The following CLEC2A variants were observed in gnomAD, a reference collection of about 807,000 sequenced individuals.
The protein encoded by CLEC2A is keratinocyte-associated C-type lectin.
Under a neutral mutation model 18.6 loss-of-function variants are expected in CLEC2A, and 19 were observed. The observed-to-expected ratio is 1.02, with a 90% CI of 0.71 to 1.50. The LOEUF is 1.50. Among genes scored for constraint, CLEC2A ranks in the 40% most tolerant of loss-of-function variants. The probability of loss-of-function intolerance (pLI) is 0.00; values close to 1 mark genes in which losing one functional copy is unlikely to be tolerated. For missense variants in CLEC2A, 190 were observed against 207.9 expected (o/e 0.91, Z 0.53); for synonymous variants, 74 against 64.0 (o/e 1.16, Z -0.75).
At chr12:9,931,652 C>CATTTAACTTAACTGGA (rs1216816861) in intron 1 of CLEC2A, among the ~76,000 whole-genome samples, 1 of 152,154 alleles carries the variant, frequency 6.6e-6, no homozygotes, top group Non-Finnish European at 1.5e-5. Context: ...CAGCTGGAGT[C>CATTTAACTTAACTGGA]CTTAACTCAT....
chr12:9,887,055 A>T, the CLEC2A span, among the ~76,000 whole-genome samples: 1 of 152,174 alleles, frequency 6.6e-6, no homozygotes, highest in African/African-American at 2.4e-5. Context: ...CTGAGATGGA[A>T]AATCAAAAAA....
intron 1 of CLEC2A, among the ~76,000 whole-genome samples, chr12:9,927,375 A>G (rs1863292038): frequency 6.6e-6 from 1 of 152,186 alleles, no homozygotes; most frequent in African/African-American, 2.4e-5. Flanking sequence ...TTATGGGACC[A>G]TTGTTGTTAT....
chr12:9,899,169 T>TC (rs1214714226), intron 4 of CLEC2A, among the ~76,000 whole-genome samples: 9 of 152,006 alleles, frequency 5.9e-5, no homozygotes, highest in Non-Finnish European at 1.0e-4. Context: ...GCTCCTGGGT[T>TC]CCCTTCCCCT....
At chr12:9,879,892 A>G in the CLEC2A span, among the ~76,000 whole-genome samples, 1 of 152,246 alleles carries the variant, frequency 6.6e-6, no homozygotes. Context: ...AAAGAAGCAC[A>G]GTAAACTGCA....
chr12:9,881,590 G>A, the CLEC2A span: 11 of 1,525,176 alleles, frequency 7.2e-6, no homozygotes, highest in South Asian at 1.2e-4. Context: ...TTAGACATTT[G>A]AAGAGATGGA....
chr12:9,903,029 T>C (rs1862857320), intron 4 of CLEC2A, among the ~76,000 whole-genome samples: 1 of 152,160 alleles, frequency 6.6e-6, no homozygotes, highest in Admixed American at 6.5e-5. Context: ...CATGTCTGGG[T>C]GTGTCAGGGC....
At chr12:9,900,761 G>A (rs1862814766) in intron 4 of CLEC2A, among the ~76,000 whole-genome samples, 1 of 152,072 alleles carries the variant, frequency 6.6e-6, no homozygotes, top group South Asian at 2.1e-4. Flanking sequence ...AGGGTATGAG[G>A]CCAGTTTCCC....
At position 9,926,264 on chromosome 12, in the gene CLEC2A, C is replaced by T; in HGVS notation, c.135G>A (p.Met45Ile). ...SIIITTVCII[M>I]IATWSKHAKP... ...TGTATGAATTAAACCACTCACCTAT[C>T]ATAATAATGCAAACTGTAGTAATAA... Residue 45 changes from methionine (M) to isoleucine (I), a missense_variant, in exon 2 of 5, where the codon ATG becomes ATA. Physicochemically the swap from Met to Ile is conservative, Grantham distance 10. Transcript: ENST00000455827. 2 of 1,530,530 alleles carry T rather than the reference C, an allele frequency of 1.3e-6. No homozygotes were observed. The highest frequency in any genetic ancestry group is 1.8e-6 in the Non-Finnish European group (2 of 1,128,104). 94.8% of individuals were successfully genotyped at this position (1,530,530 alleles called of 1,614,324 possible). A position where few individuals can be genotyped will look rare whatever the true frequency, so the allele number is the denominator to read the frequency against.
At chr12:9,902,225 G>T (rs190120141) in intron 4 of CLEC2A, among the ~76,000 whole-genome samples, 1 of 147,752 alleles carries the variant, frequency 6.8e-6, no homozygotes, top group East Asian at 2.1e-4. Flanking sequence ...GTGTAGCCAA[G>T]GTTTGCCATT....
At chr12:9,927,198 T>A (rs1342062869) in intron 1 of CLEC2A, among the ~76,000 whole-genome samples, 3 of 152,216 alleles carry the variant, frequency 2.0e-5, no homozygotes, top group Admixed American at 2.0e-4. Context: ...TATTACAGAC[T>A]GTTGCTCCTA....
chr12:9,881,484 C>CT, the CLEC2A span: 25 of 754,006 alleles, frequency 3.3e-5, no homozygotes, highest in African/African-American at 4.4e-4. Flanking sequence ...TTTGGCCTTC[C>CT]TTTTAGTTTT....
intron 4 of CLEC2A, among the ~76,000 whole-genome samples, chr12:9,900,660 C>T (rs1862813412): frequency 6.6e-6 from 1 of 152,100 alleles, no homozygotes; most frequent in Non-Finnish European, 1.5e-5. Context: ...TCTTAAGGTC[C>T]CAGGATAAAC....
intron 3 of CLEC2A, among the ~76,000 whole-genome samples, chr12:9,920,814 C>T (rs1026738867): frequency 2.0e-5 from 3 of 152,142 alleles, no homozygotes; most frequent in Non-Finnish European, 2.9e-5. Context: ...AATTCACTCG[C>T]GTCTTCGAAG....
chr12:9,927,654 G>A (rs1019810057), intron 1 of CLEC2A, among the ~76,000 whole-genome samples: 1 of 152,108 alleles, frequency 6.6e-6, no homozygotes, highest in Admixed American at 6.5e-5. Context: ...ACTTGAAAAA[G>A]TTACTAGTTT....
chr12:9,893,425 G>T, the CLEC2A span: 1 of 1,290,610 alleles, frequency 7.7e-7, no homozygotes, highest in South Asian at 1.4e-5. Context: ...TATTTCTTCT[G>T]CAGGAGTTCA....
At chr12:9,894,895 T>G (rs893967416), downstream of CLEC2A, among the ~76,000 whole-genome samples, 1 of 152,158 alleles carries the variant, frequency 6.6e-6, no homozygotes, top group African/African-American at 2.4e-5. Context: ...CCAGCATTAC[T>G]ATAAAGGTAA....
chr12:9,927,169 T>C (rs1441584038), intron 1 of CLEC2A, among the ~76,000 whole-genome samples: 3 of 152,150 alleles, frequency 2.0e-5, no homozygotes, highest in Non-Finnish European at 4.4e-5. Flanking sequence ...CAGTATAGCC[T>C]ACTAACACCT....
chr12:9,919,062 T>G (rs575869174), intron 3 of CLEC2A, among the ~76,000 whole-genome samples: 94 of 152,340 alleles, frequency 6.2e-4, no homozygotes, highest in Middle Eastern at 3.4e-3. Context: ...TCCCTTACTT[T>G]TCCTCACAGT....
At chr12:9,906,102 C>A (rs867690940) in intron 4 of CLEC2A, among the ~76,000 whole-genome samples, 19 of 148,912 alleles carry the variant, frequency 1.3e-4, no homozygotes, top group African/African-American at 4.2e-4. Context: ...CACCCATAAA[C>A]TGCTGTGTCA....
Sources: gnomAD v4.1 joint callset for allele counts (sites outside exome capture counted in the v4.1 genomes callset) on GRCh38, gnomAD v4.1.1 for gene constraint, MANE v1.5 for transcripts, NCBI Gene and HGNC (gene_info 2026-07-23, HGNC 2026-07-21) for gene names.